The following MICU2 variants were observed in gnomAD, a reference collection of about 807,000 sequenced individuals.
MICU2 encodes the protein calcium uptake protein 2, mitochondrial.
In MICU2, 64 loss-of-function variants were observed where a neutral mutation model predicts 60.4. The ratio of observed to expected loss-of-function variants is 1.06; its 90% confidence interval spans 0.87 to 1.31. The LOEUF (loss-of-function observed/expected upper bound fraction) is 1.31, where lower values mean the gene tolerates loss of function less well. MICU2 is among the 50% of genes most tolerant of loss of function. The pLI is 0.00. For missense variants in MICU2, 569 were observed against 531.0 expected (o/e 1.07, Z -0.70); for synonymous variants, 201 against 175.0 (o/e 1.15, Z -1.17).
intron 1 of MICU2, among the ~76,000 whole-genome samples, chr13:21,596,564 C>G (rs1257006345): frequency 6.6e-6 from 1 of 152,050 alleles, no homozygotes; most frequent in African/African-American, 2.4e-5. Context: ...ACTGGGACTA[C>G]AGGCATGCAC....
intron 1 of MICU2, among the ~76,000 whole-genome samples, chr13:21,596,535 TGCCTCA>T (rs889333034): frequency 7.9e-5 from 12 of 152,022 alleles, no homozygotes; most frequent in Admixed American, 7.2e-4. Context: ...GTGATTCTCC[TGCCTCA>T]GCCTTCCAAG....
chr13:21,509,637 C>T (rs1011493263), intron 8 of MICU2, among the ~76,000 whole-genome samples: 1 of 152,228 alleles, frequency 6.6e-6, no homozygotes, highest in African/African-American at 2.4e-5. Flanking sequence ...AACTGCCCAA[C>T]CGACTCAAAG....
At position 21,604,013 on chromosome 13, in the gene MICU2, C is replaced by A. The variant is rs780476897; in HGVS notation, c.136G>T (p.Gly46Ter). The change falls in exon 1 of 12, where the codon GGA (glycine) becomes TGA (stop). Residue 46 changes from glycine (G) to a stop codon, truncating the protein, a stop_gained. Transcript: ENST00000382374. LOFTEE classifies it high-confidence loss of function. The stretch of plus-strand genomic sequence containing the variant: ...CTGTGGTGCCAGGCCGCTCCTGCTC[C>A]TGCCAGGGCCGCGCCGGCCACTGCC... Reference protein sequence around the residue: ...AAAVAGAALAGAGAAWHHSRV... With the variant: ...AAAVAGAALA 1 of 1,609,700 alleles carries A rather than the reference C, an allele frequency of 6.2e-7. No homozygotes were observed. The highest frequency in any genetic ancestry group is 1.1e-5 in the South Asian group (1 of 90,870).
intron 4 of MICU2, among the ~76,000 whole-genome samples, chr13:21,523,766 T>C (rs765570405): frequency 3.3e-5 from 5 of 152,188 alleles, no homozygotes; most frequent in Non-Finnish European, 7.3e-5. Context: ...GGGCCACTCA[T>C]GAGTAGTACA....
rs745618916 is a variant in MICU2 at position 21,604,050 on chromosome 13, G to T, written c.99C>A (p.Gly33=). The T allele has an allele frequency of 1.2e-6, 2 of 1,605,850 alleles. No individual in the cohort carries two copies. The highest frequency in any genetic ancestry group is 1.7e-6 in the Non-Finnish European group (2 of 1,177,246). The stretch of plus-strand genomic sequence containing the variant: ...CGCCGGCCACTGCCGCTGCCAAGGG[G>T]CCGGGACTCCGCACAGCCTGTCGGC... ...AVSRQAVRSP[G]PLAAAVAGAA... Residue 33 remains glycine (G), a synonymous_variant, in exon 1 of 12, where the codon GGC becomes GGA. Coordinates refer to ENST00000382374, the MANE Select transcript of MICU2 (RefSeq NM_152726.3).
At chr13:21,585,533 A>G (rs191095267) in intron 1 of MICU2, among the ~76,000 whole-genome samples, 16 of 152,300 alleles carry the variant, frequency 1.1e-4, no homozygotes, top group Middle Eastern at 3.4e-3. Flanking sequence ...TAGCATATAT[A>G]TTTTTTCTTT....
At chr13:21,556,270 A>G (rs1285542005) in intron 2 of MICU2, among the ~76,000 whole-genome samples, 1 of 152,178 alleles carries the variant, frequency 6.6e-6, no homozygotes, top group Non-Finnish European at 1.5e-5. Flanking sequence ...AGCATTTTTC[A>G]TAGTTGATTA....
At chr13:21,586,413 G>A (rs1334255134) in intron 1 of MICU2, among the ~76,000 whole-genome samples, 1 of 151,906 alleles carries the variant, frequency 6.6e-6, no homozygotes, top group East Asian at 1.9e-4. Context: ...TGTGTTTTTT[G>A]TTTGTTTTTT....
intron 9 of MICU2, among the ~76,000 whole-genome samples, chr13:21,499,497 C>T (rs528913219): frequency 5.4e-4 from 82 of 151,846 alleles, no homozygotes; most frequent in Non-Finnish European, 8.8e-4. Context: ...GCAAACTTCA[C>T]CTCCTGGGTT....
At chr13:21,561,980 C>T (rs1177255465) in intron 2 of MICU2, among the ~76,000 whole-genome samples, 30 of 148,200 alleles carry the variant, frequency 2.0e-4, no homozygotes, top group South Asian at 1.5e-3. Context: ...TTTGTCCTTG[C>T]GATAGTTTAC....
intron 2 of MICU2, among the ~76,000 whole-genome samples, chr13:21,565,427 G>A (rs1387323243): frequency 2.0e-5 from 3 of 152,182 alleles, no homozygotes; most frequent in African/African-American, 7.2e-5. Flanking sequence ...GGAGGCCGGG[G>A]AGGGTGGATC....
At chr13:21,526,280 A>G (rs1334352454) in intron 4 of MICU2, among the ~76,000 whole-genome samples, 1 of 151,674 alleles carries the variant, frequency 6.6e-6, no homozygotes, top group Non-Finnish European at 1.5e-5. Flanking sequence ...CTCTCTTAAT[A>G]TATACGTTTT....
rs551299516 is a variant in MICU2 at position 21,560,428 on chromosome 13, G to A, written c.358+6369C>T. On this transcript the variant is annotated intron_variant, in intron 2 of 11. Transcript: ENST00000382374. ...ATATAAAAGTTCCCTTGTGTTTCTG[G>A]GCTCTTTATTCTGTTCCACTGGTCA... Among the ~76,000 whole-genome samples the A allele has an allele frequency of 4.2e-4, 64 of 152,072 alleles. 1 individual carries two copies. The highest frequency in any genetic ancestry group is 4.2e-4 in the South Asian group (2 of 4,800).
At chr13:21,558,196 T>C (rs539892109) in intron 2 of MICU2, among the ~76,000 whole-genome samples, 16 of 152,298 alleles carry the variant, frequency 1.1e-4, no homozygotes, top group Middle Eastern at 3.4e-3. Context: ...CCCCCCAGTG[T>C]TAAGCCTCTG....
intron 6 of MICU2, among the ~76,000 whole-genome samples, chr13:21,519,470 T>G (rs1214956444): frequency 6.6e-6 from 1 of 152,240 alleles, no homozygotes; most frequent in East Asian, 1.9e-4. Flanking sequence ...TCTTTGGTAC[T>G]CTGCTCACTG....
chr13:21,548,559 G>T (rs527411807), intron 2 of MICU2, among the ~76,000 whole-genome samples: 2 of 152,196 alleles, frequency 1.3e-5, no homozygotes, highest in South Asian at 4.2e-4. Context: ...AACACTATAT[G>T]GTAGACACTA....
intron 1 of MICU2, among the ~76,000 whole-genome samples, chr13:21,587,869 A>C (rs918544532): frequency 1.3e-5 from 2 of 152,234 alleles, no homozygotes; most frequent in Non-Finnish European, 2.9e-5. Context: ...CTTTAAGTAG[A>C]TGACATTTCA....
At chr13:21,522,742 C>T in intron 4 of MICU2, 92 bp from the exon 5 acceptor site, 1 of 933,386 alleles carries the variant, frequency 1.1e-6, no homozygotes, top group South Asian at 2.0e-5. Flanking sequence ...AATTAAAAAA[C>T]AATTTTACTT....
chr13:21,503,565 C>G (rs1318567980), intron 8 of MICU2, among the ~76,000 whole-genome samples: 2 of 152,130 alleles, frequency 1.3e-5, no homozygotes, highest in African/African-American at 2.4e-5. Context: ...TCAGTGTAAT[C>G]AATGGCTTGG....
Sources: allele counts gnomAD v4.1 joint callset (sites outside exome capture counted in the v4.1 genomes callset), GRCh38; gene constraint gnomAD v4.1.1; transcripts MANE v1.5; gene names NCBI Gene and HGNC (gene_info 2026-07-23, HGNC 2026-07-21).